Variants in PIAS2 observed in about 807,000 individuals in gnomAD.
PIAS2 encodes E3 SUMO-protein ligase PIAS2.
PIAS2 carries 19 observed loss-of-function variants against 69.7 expected under a neutral mutation model. The ratio of observed to expected loss-of-function variants is 0.27; its 90% confidence interval spans 0.19 to 0.40. PIAS2 has a LOEUF of 0.40. Among genes scored for constraint, PIAS2 ranks in the 10% least tolerant of loss-of-function variants. PIAS2 has a pLI of 1.00. For missense variants in PIAS2, 624 were observed against 757.0 expected (o/e 0.82, Z 2.06); for synonymous variants, 261 against 263.2 (o/e 0.99, Z 0.08).
In PIAS2 at chr18:46,895,058, A is replaced by G. The variant is rs536270183; in HGVS notation, c.25-4004T>C. Among the ~76,000 whole-genome samples, 25 of 150,020 alleles carry G rather than the reference A, an allele frequency of 1.7e-4. 1 individual carries two copies. The East Asian group carries it at 4.9e-3, about 29-fold the overall frequency. ...ATTGCACTCCAGCCTAGGCAACGAG[A>G]GGGAAACTCCATCTCGGAAAAAAAA... On this transcript the variant is annotated intron_variant, in intron 1 of 13. Transcript: ENST00000585916.
intron 1 of PIAS2, among the ~76,000 whole-genome samples, chr18:46,905,133 CT>C (rs1270514458): frequency 1.3e-5 from 2 of 152,066 alleles, no homozygotes; most frequent in African/African-American, 4.8e-5. Flanking sequence ...TTTTAATAGT[CT>C]AAACATATTT....
intron 8 of PIAS2, among the ~76,000 whole-genome samples, chr18:46,840,463 G>A (rs1358859488): frequency 6.6e-6 from 1 of 152,100 alleles, no homozygotes; most frequent in East Asian, 1.9e-4. Context: ...GGACCTTCAG[G>A]TATCCATGGG....
intron 1 of PIAS2, among the ~76,000 whole-genome samples, chr18:46,900,675 G>GA (rs34503806): frequency 0.44 from 66,200 of 150,458 alleles, 14,615 homozygotes; most frequent in Middle Eastern, 0.53. Context: ...GACCTCATCT[G>GA]AAAAAAATAC....
rs550342060 is a variant in PIAS2 at position 46,910,197 on chromosome 18, A to G, written c.24+7125T>C. On this transcript the variant is annotated intron_variant, in intron 1 of 13. Coordinates refer to ENST00000585916, the MANE Select transcript of PIAS2 (RefSeq NM_004671.5). ...AAATAAATAAATTTTACATATGTAT[A>G]TATGTTAAAAGTATAAAGACAGACC... Among the ~76,000 whole-genome samples, 3 of 152,156 alleles carry G rather than the reference A, an allele frequency of 2.0e-5. No homozygotes were observed. The South Asian group carries it at 6.2e-4, about 32-fold the overall frequency.
intron 2 of PIAS2, among the ~76,000 whole-genome samples, chr18:46,870,228 A>G (rs770030583): frequency 6.6e-6 from 1 of 152,080 alleles, no homozygotes; most frequent in Non-Finnish European, 1.5e-5. Context: ...ATCAGCCCCA[A>G]CTCTTTTCCC....
At position 46,864,769 on chromosome 18, in the gene PIAS2, CA is replaced by C. The variant is rs61248600; in HGVS notation, c.500-522del. Among the ~76,000 whole-genome samples, 980 of 124,222 alleles carry C rather than the reference CA, an allele frequency of 7.9e-3. 7 individuals are homozygous for C. The highest frequency in any genetic ancestry group is 0.022 in the African/African-American group (724 of 33,218). 81.5% of individuals were successfully genotyped at this position (124,222 alleles called of 152,430 possible). A position where few individuals can be genotyped will look rare whatever the true frequency, so the allele number is the denominator to read the frequency against. On this transcript the variant is annotated intron_variant, in intron 2 of 13. Coordinates refer to ENST00000585916, the MANE Select transcript of PIAS2 (RefSeq NM_004671.5). ...TGGGCAACAAGAGTGAACTCCATCT[CA>C]AAAAAAAAAAAAAATACTAATGCAC... is the stretch of plus-strand genomic sequence containing the variant.
intron 2 of PIAS2, among the ~76,000 whole-genome samples, chr18:46,876,935 C>A (rs1246753391): frequency 6.6e-6 from 1 of 152,150 alleles, no homozygotes; most frequent in Admixed American, 6.5e-5. Context: ...CTCCTGACCT[C>A]ATGATCCACC....
intron 2 of PIAS2, among the ~76,000 whole-genome samples, chr18:46,867,314 A>C (rs2049635815): frequency 6.6e-6 from 1 of 152,172 alleles, no homozygotes; most frequent in African/African-American, 2.4e-5. Context: ...AGGAACTTAC[A>C]GCAACAAAAA....
chr18:46,908,099 T>C (rs547690427), intron 1 of PIAS2: 13 of 152,196 alleles, frequency 8.5e-5, no homozygotes, highest in African/African-American at 2.7e-4. Context: ...GTACTTCCTA[T>C]GTGTATGCTA....
chr18:46,863,410 G>A lies in PIAS2; in HGVS notation c.584+754C>T, dbSNP rs528704154. 4.0e-5 allele frequency among the ~76,000 whole-genome samples: 6 copies of A among 151,886 alleles called. No individual in the cohort carries two copies. The South Asian group carries it at 1.2e-3, about 32-fold the overall frequency. On this transcript the variant is annotated intron_variant, in intron 3 of 13. Coordinates refer to ENST00000585916, the MANE Select transcript of PIAS2 (RefSeq NM_004671.5). ...GATCACAACAGCTCACTGCAGCCTC[G>A]ACCTCCCAGGCTCAAGTGATTCTCC...
intron 1 of PIAS2, among the ~76,000 whole-genome samples, chr18:46,897,068 G>C (rs918814390): frequency 6.6e-6 from 1 of 152,182 alleles, no homozygotes; most frequent in Non-Finnish European, 1.5e-5. Context: ...AAATTTAAGA[G>C]TGTTTCAATA....
At chr18:46,917,511 C>T, upstream of PIAS2, 5 of 1,171,362 alleles carry the variant, frequency 4.3e-6, no homozygotes, top group Non-Finnish European at 4.2e-6. Flanking sequence ...GTCACGTGAA[C>T]GGCGCGGGAG....
intron 2 of PIAS2, among the ~76,000 whole-genome samples, chr18:46,865,859 C>T (rs929699909): frequency 6.6e-6 from 1 of 152,170 alleles, no homozygotes; most frequent in Non-Finnish European, 1.5e-5. Context: ...GCATCAAACA[C>T]AGAAACATAA....
At chr18:46,878,125 T>A (rs189507350) in intron 2 of PIAS2, among the ~76,000 whole-genome samples, 63 of 152,306 alleles carry the variant, frequency 4.1e-4, no homozygotes, top group African/African-American at 1.5e-3. Context: ...CAGTCCTATA[T>A]CCTAGCCTTA....
chr18:46,909,942 G>A (rs2057070129), intron 1 of PIAS2, among the ~76,000 whole-genome samples: 1 of 152,094 alleles, frequency 6.6e-6, no homozygotes, highest in South Asian at 2.1e-4. Flanking sequence ...CAAGGCGGGT[G>A]GATCACCTGA....
At chr18:46,909,710 C>G (rs562439733) in intron 1 of PIAS2, among the ~76,000 whole-genome samples, 3 of 152,230 alleles carry the variant, frequency 2.0e-5, no homozygotes, top group East Asian at 1.9e-4. Context: ...TCTTAAATAC[C>G]AGCAATTCTA....
chr18:46,896,165 C>CAAAAAA (rs1199712335), intron 1 of PIAS2, among the ~76,000 whole-genome samples: 5 of 31,926 alleles, frequency 1.6e-4, no homozygotes, highest in Admixed American at 3.7e-4. Flanking sequence ...AAGAAAAAAG[C>CAAAAAA]AAAAAAAAAA....
upstream of PIAS2, among the ~76,000 whole-genome samples, chr18:46,918,907 G>T (rs1046270627): frequency 6.6e-6 from 1 of 151,812 alleles, no homozygotes; most frequent in African/African-American, 2.4e-5. Context: ...CCTCTCCTAG[G>T]ACCCTGAACT....
chr18:46,836,555 A>C, intron 8 of PIAS2, 38 bp from the exon 9 acceptor site: 1 of 1,537,234 alleles, frequency 6.5e-7, no homozygotes, highest in South Asian at 1.2e-5. Flanking sequence ...TATTTCAGAA[A>C]GGAGAATGAG....
Sources: allele counts gnomAD v4.1 joint callset (sites outside exome capture counted in the v4.1 genomes callset), GRCh38; gene constraint gnomAD v4.1.1; transcripts MANE v1.5; gene names NCBI Gene and HGNC (gene_info 2026-07-23, HGNC 2026-07-21).